The following TDRD15 variants were observed in gnomAD, a reference collection of about 807,000 sequenced individuals.
The protein encoded by TDRD15 is tudor domain-containing protein 15.
For missense variants in TDRD15, 1,416 were observed against 904.7 expected (o/e 1.57, Z -7.25); for synonymous variants, 503 against 314.5 (o/e 1.60, Z -6.34).
chr2:21,139,739 C>A lies in TDRD15; in HGVS notation c.2272C>A (p.Leu758Ile). ...ATATATTTTTAGACCAGGAACAGTTCTTGAAGTTAAATGTTCCTGTTATTA... is the reference window on the plus strand; with the variant it reads ...ATATATTTTTAGACCAGGAACAGTTATTGAAGTTAAATGTTCCTGTTATTA... ...KEYIFRPGTV[L>I]EVKCSCYYGP... Residue 758 changes from leucine to isoleucine, a missense_variant, in exon 4 of 4, where the codon CTT (leucine) becomes ATT (isoleucine). By Grantham distance (5) the Leu-to-Ile change is conservative. Transcript: ENST00000405799. 1 of 715,522 alleles carries A rather than the reference C, an allele frequency of 1.4e-6. No homozygotes were observed. Among genetic ancestry groups the A allele is most frequent in the South Asian group, 1.5e-5 (1 of 67,526 alleles). The allele number at this position is 715,522 out of a possible 1,614,324, so 44.3% of individuals were successfully genotyped here. A position where few individuals can be genotyped will look rare whatever the true frequency, so the allele number is the denominator to read the frequency against.
chr2:21,135,530 T>C (rs932221101), intron 3 of TDRD15, among the ~76,000 whole-genome samples: 1 of 152,052 alleles, frequency 6.6e-6, no homozygotes, highest in Non-Finnish European at 1.5e-5. Context: ...TAATAAGTCT[T>C]CCAGTCTTGT....
chr2:21,132,112 C>T (rs1665730719), intron 2 of TDRD15, among the ~76,000 whole-genome samples: 1 of 151,990 alleles, frequency 6.6e-6, no homozygotes, highest in Admixed American at 6.6e-5. Context: ...GCCCAAAGCC[C>T]AGAGGTGAAA....
At chr2:21,125,999 CATGTGTGTGTGT>C (rs1257553138) in intron 1 of TDRD15, among the ~76,000 whole-genome samples, 2 of 151,204 alleles carry the variant, frequency 1.3e-5, no homozygotes, top group Non-Finnish European at 3.0e-5. Flanking sequence ...TCAGGTTGTG[CATGTGTGTGTGT>C]ATGTGTGTGT....
rs1204930632 is a variant in TDRD15, at chr2:21,138,062, G to A, written c.595G>A (p.Glu199Lys). 1 of 716,034 alleles carries A rather than the reference G, an allele frequency of 1.4e-6. No individual in the cohort carries two copies. Among genetic ancestry groups the A allele is most frequent in the South Asian group, 1.5e-5 (1 of 67,400 alleles). The allele number at this position is 716,034 out of a possible 1,614,324, so 44.4% of individuals were successfully genotyped here. The change falls in exon 4 of 4, where the codon GAA becomes AAA. Residue 199 changes from glutamate to lysine, a missense_variant. Physicochemically the swap from Glu to Lys is moderately conservative, Grantham distance 56. Transcript: ENST00000405799. ...TCGTCTTATTGTGGAAATGTTAGAA[G>A]AATTCCCTCAACAAATGCCAGATTT... ...SFRLIVEMLE[E>K]FPQQMPDLLQ...
Position 21,137,481 on chromosome 2 carries a change from C to T in TDRD15, c.14C>T (p.Ser5Phe). MDST[S>F]FLPTFLDVDL... is the part of the protein sequence containing the mutation. ...GCTTTTTAGAAAATGGATTCTACAT[C>T]TTTCTTACCAACATTTTTAGATGTG... Residue 5 changes from serine to phenylalanine, a missense_variant, in exon 4 of 4, where the codon TCT becomes TTT. Coordinates refer to ENST00000405799, the MANE Select transcript of TDRD15 (RefSeq NM_001306137.2). 1.6e-6 allele frequency: 1 copy of T among 642,980 alleles called. No individual in the cohort carries two copies. Among genetic ancestry groups the T allele is most frequent in the Non-Finnish European group, 2.8e-6 (1 of 353,362 alleles). 39.8% of individuals were successfully genotyped at this position (642,980 alleles called of 1,614,324 possible). A position where few individuals can be genotyped will look rare whatever the true frequency, so the allele number is the denominator to read the frequency against.
Position 21,129,206 on chromosome 2 carries a change from C to A in TDRD15, c.-90+1495C>A, listed in dbSNP as rs527984844. Among the ~76,000 whole-genome samples, 97 of 152,012 alleles carry A rather than the reference C, an allele frequency of 6.4e-4. 2 individuals carry two copies. The South Asian group carries it at 0.02, about 32-fold the overall frequency. On this transcript the variant is annotated intron_variant, in intron 2 of 3. Coordinates refer to ENST00000405799, the MANE Select transcript of TDRD15 (RefSeq NM_001306137.2). ...ATAATGCTACTAAGAATGGTCCTGT[C>A]CAAATTTTTGTGTGGATGTGTTTTC... is the stretch of plus-strand genomic sequence containing the variant.
At chr2:21,125,001 G>A (rs754685380) in intron 1 of TDRD15, among the ~76,000 whole-genome samples, 1 of 149,422 alleles carries the variant, frequency 6.7e-6, no homozygotes, top group African/African-American at 2.5e-5. Context: ...GTGAGTGTGA[G>A]AGAAATCCTA....
chr2:21,130,596 T>G (rs1665699920), intron 2 of TDRD15, among the ~76,000 whole-genome samples: 1 of 152,230 alleles, frequency 6.6e-6, no homozygotes. Context: ...GACTTCATTC[T>G]TTTGCATGTG....
At chr2:21,126,363 C>G (rs2103434089) in intron 1 of TDRD15, among the ~76,000 whole-genome samples, 1 of 151,560 alleles carries the variant, frequency 6.6e-6, no homozygotes, top group East Asian at 2.0e-4. Flanking sequence ...ATCAGTGTTT[C>G]ATTCTTTTTT....
At chr2:21,125,032 G>A (rs1375174679) in intron 1 of TDRD15, among the ~76,000 whole-genome samples, 1 of 148,538 alleles carries the variant, frequency 6.7e-6, no homozygotes, top group African/African-American at 2.5e-5. Flanking sequence ...GTGTGTGTGA[G>A]AGAGACCCTA....
Position 21,139,178 on chromosome 2 carries a change from A to G in TDRD15, c.1711A>G (p.Thr571Ala). 1.4e-6 allele frequency: 1 copy of G among 714,474 alleles called. No homozygotes were observed. Among genetic ancestry groups the G allele is most frequent in the Non-Finnish European group, 2.6e-6 (1 of 383,814 alleles). 44.3% of individuals were successfully genotyped at this position (714,474 alleles called of 1,614,324 possible). ...INVYFLDYGN[T>A]DSIPFFDVKI... ...TGTTTATTTTTTGGATTATGGTAAT[A>G]CTGATTCCATACCATTTTTTGATGT... Residue 571 changes from threonine (T) to alanine (A), a missense_variant, in exon 4 of 4, where the codon ACT becomes GCT. Transcript: ENST00000405799.
At chr2:21,131,154 A>G (rs1158770267) in intron 2 of TDRD15, among the ~76,000 whole-genome samples, 1 of 152,222 alleles carries the variant, frequency 6.6e-6, no homozygotes, top group African/African-American at 2.4e-5. Flanking sequence ...TAGAAAAGTC[A>G]GGAAAGTTAT....
chr2:21,135,315 C>CT (rs1665788466), intron 3 of TDRD15, among the ~76,000 whole-genome samples: 1 of 151,502 alleles, frequency 6.6e-6, no homozygotes, highest in Non-Finnish European at 1.5e-5. Context: ...ACACTGGGAA[C>CT]TTTCTTCATG....
Position 21,139,827 on chromosome 2 carries a change from A to G in TDRD15, c.2360A>G (p.Glu787Gly), listed in dbSNP as rs1313888180. The change falls in exon 4 of 4, where the codon GAG becomes GGG. Residue 787 changes from glutamate to glycine, a missense_variant. Physicochemically the swap from Glu to Gly is moderately conservative, Grantham distance 98. Coordinates refer to ENST00000405799, the MANE Select transcript of TDRD15 (RefSeq NM_001306137.2). ...CKSEDLKLLM[E>G]QIQNYYSIHS... is the part of the protein sequence containing the mutation. ...TCAGAAGACCTAAAATTACTAATGG[A>G]GCAAATTCAGAATTACTATAGTATT... is the stretch of plus-strand genomic sequence containing the variant. 2 of 715,492 alleles carry G rather than the reference A, an allele frequency of 2.8e-6. No individual in the cohort carries two copies. Among genetic ancestry groups the G allele is most frequent in the East Asian group, 2.7e-5 (1 of 37,250 alleles). 44.3% of individuals were successfully genotyped at this position (715,492 alleles called of 1,614,324 possible).
chr2:21,133,423 T>C (rs996898955), intron 2 of TDRD15, among the ~76,000 whole-genome samples: 1 of 152,168 alleles, frequency 6.6e-6, no homozygotes, highest in African/African-American at 2.4e-5. Flanking sequence ...TTGGCTCTTG[T>C]CCATGATTAT....
In TDRD15 at chr2:21,139,698, C is replaced by T; in HGVS notation, c.2231C>T (p.Ser744Phe). 1 of 714,966 alleles carries T rather than the reference C, an allele frequency of 1.4e-6. No homozygotes were observed. The highest frequency in any genetic ancestry group is 2.6e-6 in the Non-Finnish European group (1 of 383,806). The allele number at this position is 714,966 out of a possible 1,614,324, so 44.3% of individuals were successfully genotyped here. ...PFTLSVGPES[S>F]WPYKEYIFRP... ...ACCTTGTCTGTGGGACCTGAGTCAT[C>T]CTGGCCTTATAAAGAATATATTTTT... The change falls in exon 4 of 4, where the codon TCC becomes TTC. Residue 744 changes from serine to phenylalanine, a missense_variant. Physicochemically the swap from Ser to Phe is radical, Grantham distance 155. Transcript: ENST00000405799.
intron 3 of TDRD15, 51 bp downstream of exon 3, chr2:21,134,898 T>G (rs1233729868): frequency 6.6e-6 from 1 of 151,056 alleles, no homozygotes; most frequent in South Asian, 2.1e-4. Context: ...CATATTTGAA[T>G]AAGGGTTGGA....
Position 21,140,472 on chromosome 2 carries a change from T to C in TDRD15, c.3005T>C (p.Val1002Ala). The change falls in exon 4 of 4, where the codon GTT becomes GCT. Residue 1002 changes from valine (V) to alanine (A), a missense_variant. Physicochemically the swap from Val to Ala is moderately conservative, Grantham distance 64 (BLOSUM62 0). Transcript: ENST00000405799. ...ATAGAAACAAAAATCACAGAGAGTG[T>C]TAACCTCCAAAATTTTCCAAAATAT... Reference protein sequence around the residue: ...EMIETKITESVNLQNFPKYDS... With the variant: ...EMIETKITESANLQNFPKYDS... The C allele has an allele frequency of 1.4e-6, 1 of 697,384 alleles. No individual in the cohort carries two copies. Among genetic ancestry groups the C allele is most frequent in the Non-Finnish European group, 2.6e-6 (1 of 379,036 alleles). The allele number at this position is 697,384 out of a possible 1,614,324, so 43.2% of individuals were successfully genotyped here. A position where few individuals can be genotyped will look rare whatever the true frequency, so the allele number is the denominator to read the frequency against.
At position 21,139,980 on chromosome 2, in the gene TDRD15, A is replaced by G; in HGVS notation, c.2513A>G (p.Gln838Arg). The change falls in exon 4 of 4, where the codon CAA (glutamine) becomes CGA (arginine). Residue 838 changes from glutamine to arginine, a missense_variant. By Grantham distance (43) the Gln-to-Arg change is conservative (BLOSUM62 1). Transcript: ENST00000405799. The stretch of plus-strand genomic sequence containing the variant: ...ATAGTGTTTGTTGATTATGGTTACC[A>G]AAAAAGGGTTTTAATTGAAGATCTT... Reference protein sequence around the residue: ...VDIVFVDYGYQKRVLIEDLCA... With the variant: ...VDIVFVDYGYRKRVLIEDLCA... The G allele has an allele frequency of 1.4e-6, 1 of 715,838 alleles. No homozygotes were observed. The highest frequency in any genetic ancestry group is 2.6e-6 in the Non-Finnish European group (1 of 384,008). 44.3% of individuals were successfully genotyped at this position (715,838 alleles called of 1,614,324 possible).
Sources: gnomAD v4.1 joint callset for allele counts (sites outside exome capture counted in the v4.1 genomes callset) on GRCh38, gnomAD v4.1.1 for gene constraint, MANE v1.5 for transcripts, NCBI Gene and HGNC (gene_info 2026-07-23, HGNC 2026-07-21) for gene names.